The following FOXP1 variants were observed in gnomAD, a reference collection of about 807,000 sequenced individuals.
FOXP1 encodes the protein forkhead box P1.
FOXP1 carries 15 observed loss-of-function variants against 98.2 expected under a neutral mutation model. The ratio of observed to expected loss-of-function variants is 0.15; its 90% CI spans 0.10 to 0.24. FOXP1 has a LOEUF of 0.24. Among genes scored for constraint, FOXP1 ranks in the 10% least tolerant of loss-of-function variants. The probability of loss-of-function intolerance (pLI) is 1.00; values close to 1 mark genes in which losing one functional copy is unlikely to be tolerated. For synonymous variants in FOXP1, 371 were observed against 314.5 expected, an observed-to-expected ratio of 1.18 and a Z score of -1.90; for missense variants, 633 against 848.5, an observed-to-expected ratio of 0.75 and a Z score of 3.15.
At chr3:71,107,482 T>C (rs2057535386) in intron 7 of FOXP1, among the ~76,000 whole-genome samples, 1 of 152,212 alleles carries the variant, frequency 6.6e-6, no homozygotes, top group African/African-American at 2.4e-5. Context: ...GACTTATTTT[T>C]AGGGTTTTGG....
chr3:71,315,134 C>T (rs916665286), intron 4 of FOXP1, among the ~76,000 whole-genome samples: 3 of 142,782 alleles, frequency 2.1e-5, no homozygotes, highest in African/African-American at 7.9e-5. Flanking sequence ...AAAGAAAAAG[C>T]TCATATTTTC....
chr3:71,485,183 T>G (rs900350285), intron 3 of FOXP1, among the ~76,000 whole-genome samples: 53 of 152,196 alleles, frequency 3.5e-4, no homozygotes, highest in Admixed American at 3.2e-3. Context: ...GGCCTGGTTC[T>G]ATCCTGCCTG....
chr3:71,101,691 A>C (rs900458098), intron 7 of FOXP1, among the ~76,000 whole-genome samples: 1 of 151,912 alleles, frequency 6.6e-6, no homozygotes, highest in East Asian at 1.9e-4. Context: ...AAAAAAAAAA[A>C]AAAACACCAC....
intron 19 of FOXP1, 31 bp downstream of exon 19, chr3:70,970,705 G>A (rs568052699): frequency 6.5e-6 from 10 of 1,546,456 alleles, no homozygotes; most frequent in Non-Finnish European, 7.2e-6. Context: ...CTGTGCCTCT[G>A]CTGCATATTC....
At chr3:70,960,953 T>TGCCTCA (rs1291604473) in intron 20 of FOXP1, among the ~76,000 whole-genome samples, 48 of 151,058 alleles carry the variant, frequency 3.2e-4, no homozygotes, top group African/African-American at 1.1e-3. Flanking sequence ...GCCATTCTCC[T>TGCCTCA]GCCTCAGCCT....
intron 7 of FOXP1, among the ~76,000 whole-genome samples, chr3:71,072,811 G>A (rs956273758): frequency 9.9e-5 from 15 of 152,192 alleles, no homozygotes; most frequent in Admixed American, 2.6e-4. Context: ...TAAGCATCAG[G>A]TGGCTGCTAC....
chr3:71,519,279 G>A (rs940422054), intron 2 of FOXP1, among the ~76,000 whole-genome samples: 1 of 152,180 alleles, frequency 6.6e-6, no homozygotes, highest in Admixed American at 6.5e-5. Context: ...ATAAAATAAT[G>A]TGTGAGCAGG....
intron 4 of FOXP1, among the ~76,000 whole-genome samples, chr3:71,325,249 C>T (rs1039572665): frequency 2.0e-5 from 3 of 152,094 alleles, no homozygotes; most frequent in Non-Finnish European, 2.9e-5. Flanking sequence ...AATGGGGTTT[C>T]ACCATGTTGG....
intron 5 of FOXP1, among the ~76,000 whole-genome samples, chr3:71,202,084 A>G (rs2063713988): frequency 6.6e-6 from 1 of 152,190 alleles, no homozygotes; most frequent in Non-Finnish European, 1.5e-5. Flanking sequence ...GTGGAGTAAG[A>G]ACAGTCTCCA....
intron 20 of FOXP1, among the ~76,000 whole-genome samples, chr3:70,961,112 G>A (rs559123576): frequency 5.9e-5 from 9 of 151,882 alleles, no homozygotes; most frequent in Non-Finnish European, 1.2e-4. Flanking sequence ...GATTACAGGC[G>A]TGAGCCACTG....
At chr3:71,562,887 C>T (rs1346645635) in intron 2 of FOXP1, among the ~76,000 whole-genome samples, 1 of 152,186 alleles carries the variant, frequency 6.6e-6, no homozygotes, top group African/African-American at 2.4e-5. Flanking sequence ...GGGCCCATTC[C>T]TTTGTCTCTA....
chr3:71,254,568 C>T (rs1282232910), intron 5 of FOXP1, among the ~76,000 whole-genome samples: 5 of 152,136 alleles, frequency 3.3e-5, no homozygotes, highest in Admixed American at 6.5e-5. Context: ...CCCTCTAGTC[C>T]GACTTACAGT....
chr3:71,101,049 A>C lies in FOXP1; in HGVS notation c.282+11487T>G, dbSNP rs542880465. Among the ~76,000 whole-genome samples the C allele has an allele frequency of 2.2e-4, 33 of 152,296 alleles. 1 individual carries two copies. Among genetic ancestry groups the C allele is most frequent in the African/African-American group, 7.5e-4 (31 of 41,560 alleles). ...CTTTGCCAAAATCCCAGCAGGTGGC[A>C]CCTGAAGGGACAGCTCTAGAATAAG... On this transcript the variant is annotated intron_variant, in intron 7 of 20. Coordinates refer to ENST00000649528, the MANE Select transcript of FOXP1 (RefSeq NM_001349338.3).
At chr3:71,187,977 A>C (rs1250530109) in intron 6 of FOXP1, among the ~76,000 whole-genome samples, 1 of 152,228 alleles carries the variant, frequency 6.6e-6, no homozygotes, top group Non-Finnish European at 1.5e-5. Flanking sequence ...GGAGGCTATA[A>C]AGAGAACTAC....
intron 2 of FOXP1, chr3:71,571,228 C>G (rs1017930663): frequency 6.6e-5 from 10 of 152,228 alleles, no homozygotes; most frequent in Admixed American, 6.5e-4. Context: ...TTCTAAGTTA[C>G]AAGTATTACT....
intron 2 of FOXP1, chr3:71,541,821 G>A (rs1442290233): frequency 2.4e-6 from 1 of 410,062 alleles, no homozygotes; most frequent in African/African-American, 2.1e-5. Context: ...GCTGTCAAAA[G>A]ACTCCTGGTT....
At chr3:71,034,909 C>T (rs1251779233) in intron 11 of FOXP1, among the ~76,000 whole-genome samples, 2 of 152,286 alleles carry the variant, frequency 1.3e-5, no homozygotes, top group East Asian at 3.9e-4. Flanking sequence ...GGTGGCTCCC[C>T]AGTGGGCTGC....
At chr3:71,446,685 T>C (rs2086477870) in intron 3 of FOXP1, among the ~76,000 whole-genome samples, 1 of 152,262 alleles carries the variant, frequency 6.6e-6, no homozygotes, top group African/African-American at 2.4e-5. Context: ...CAAAATTATA[T>C]GCCTCGTAAT....
intron 13 of FOXP1, among the ~76,000 whole-genome samples, chr3:71,000,473 G>A (rs561258478): frequency 6.6e-6 from 1 of 152,162 alleles, no homozygotes; most frequent in African/African-American, 2.4e-5. Context: ...GGAAAACACG[G>A]TTTTGGGTGC....
Sources: gnomAD v4.1 joint callset for allele counts (sites outside exome capture counted in the v4.1 genomes callset) on GRCh38, gnomAD v4.1.1 for gene constraint, MANE v1.5 for transcripts, NCBI Gene and HGNC (gene_info 2026-07-23, HGNC 2026-07-21) for gene names.